Variants in HPCAL1 observed in about 807,000 individuals in gnomAD.
HPCAL1 encodes hippocalcin-like protein 1.
In HPCAL1, 8 loss-of-function variants were observed where a neutral mutation model predicts 17.1. The observed-to-expected ratio is 0.47, with a 90% CI of 0.27 to 0.84. The LOEUF is 0.84. HPCAL1 is among the 40% of genes least tolerant of loss of function. The pLI is 0.13. For missense variants in HPCAL1, 165 were observed against 271.1 expected (o/e 0.61, Z 2.75); for synonymous variants, 112 against 111.4 (o/e 1.01, Z -0.03).
intron 1 of HPCAL1, among the ~76,000 whole-genome samples, chr2:10,319,575 G>T (rs571894044): frequency 1.0e-5 from 1 of 100,054 alleles, no homozygotes; most frequent in Non-Finnish European, 1.9e-5. Flanking sequence ...CGGGCAGGTG[G>T]GGTGGGGTGG....
At chr2:10,308,064 A>T (rs941355965) in intron 1 of HPCAL1, among the ~76,000 whole-genome samples, 3 of 152,068 alleles carry the variant, frequency 2.0e-5, no homozygotes, top group Non-Finnish European at 4.4e-5. Flanking sequence ...AAATAAGACC[A>T]GGGAGCGTGA....
chr2:10,315,734 C>A (rs1293493233), intron 1 of HPCAL1, among the ~76,000 whole-genome samples: 1 of 152,160 alleles, frequency 6.6e-6, no homozygotes, highest in Non-Finnish European at 1.5e-5. Context: ...AGTCCACGTG[C>A]GGTGGCTCAT....
At chr2:10,426,451 G>C in intron 4 of HPCAL1, 1 of 426,084 alleles carries the variant, frequency 2.3e-6, no homozygotes, top group South Asian at 2.7e-5. Context: ...ATTTCTAAAA[G>C]GATTTAAATG....
chr2:10,425,968 A>G (rs536509885), intron 4 of HPCAL1: 2 of 152,378 alleles, frequency 1.3e-5, no homozygotes, highest in East Asian at 3.9e-4. Flanking sequence ...AGCCAGGGCT[A>G]TAGTGACCAC....
chr2:10,375,961 G>C (rs752760093), intron 1 of HPCAL1, among the ~76,000 whole-genome samples: 8 of 152,226 alleles, frequency 5.3e-5, no homozygotes, highest in Non-Finnish European at 1.2e-4. Flanking sequence ...TTGCAGGAGG[G>C]GTCTGGTGGG....
chr2:10,375,017 G>T (rs1199274942), intron 1 of HPCAL1, among the ~76,000 whole-genome samples: 3 of 152,188 alleles, frequency 2.0e-5, no homozygotes, highest in Non-Finnish European at 2.9e-5. Context: ...CCTTGGCAGA[G>T]AGCTGGGAGC....
At chr2:10,397,295 G>C (rs1407431736) in intron 2 of HPCAL1, among the ~76,000 whole-genome samples, 1 of 152,148 alleles carries the variant, frequency 6.6e-6, no homozygotes, top group African/African-American at 2.4e-5. Context: ...CACTGTCTTA[G>C]TGTCCGGGTT....
At position 10,419,769 on chromosome 2, in the gene HPCAL1, G is replaced by C. The variant is rs1332497805; in HGVS notation, c.12G>C (p.Gln4His). Residue 4 changes from glutamine to histidine, a missense_variant, in exon 3 of 5, where the codon CAG becomes CAC. By Grantham distance (24) the Gln-to-His change is conservative. Coordinates refer to ENST00000307845, the MANE Select transcript of HPCAL1 (RefSeq NM_002149.4). This position sits in a 1 kb window ranked among gnomAD's most constrained non-coding sequence, Gnocchi z 5.0. Reference protein sequence around the residue: MGKQNSKLRPEVLQ... With the variant: MGKHNSKLRPEVLQ... The stretch of plus-strand genomic sequence containing the variant: ...CGCCGCCAGCCGCCATGGGCAAACA[G>C]AACAGCAAGCTGCGGCCCGAGGTGC... 1 of 1,611,596 alleles carries C rather than the reference G, an allele frequency of 6.2e-7. No individual in the cohort carries two copies. The highest frequency in any genetic ancestry group is 1.1e-5 in the South Asian group (1 of 90,986).
rs2125421715 is a variant in HPCAL1, at chr2:10,331,623, G to T, written c.-111+28446G>T. Among the ~76,000 whole-genome samples the T allele has an allele frequency of 6.6e-6, 1 of 152,288 alleles. No homozygotes were observed. The highest frequency in any genetic ancestry group is 6.5e-5 in the Admixed American group (1 of 15,306). On this transcript the variant is annotated intron_variant, in intron 1 of 4. Coordinates refer to ENST00000307845, the MANE Select transcript of HPCAL1 (RefSeq NM_002149.4). This position sits in a 1 kb window ranked among gnomAD's most constrained non-coding sequence, Gnocchi z 5.0. ...TTTGGGCCCAGCTGCACTGTGCCCGGGGTCCAGGGATGGGTGTGAGGCTGT... is the reference window on the plus strand; with the variant it reads ...TTTGGGCCCAGCTGCACTGTGCCCGTGGTCCAGGGATGGGTGTGAGGCTGT...
chr2:10,346,164 A>T (rs977805312), intron 1 of HPCAL1, among the ~76,000 whole-genome samples: 2 of 151,954 alleles, frequency 1.3e-5, no homozygotes, highest in African/African-American at 4.8e-5. Context: ...GTGGCCTCCC[A>T]GTAGGACACT....
chr2:10,345,045 C>T (rs1169615885), intron 1 of HPCAL1, among the ~76,000 whole-genome samples: 1 of 151,878 alleles, frequency 6.6e-6, no homozygotes, highest in African/African-American at 2.4e-5. Flanking sequence ...CTGTTTCTCT[C>T]TCTCTCTCTT....
intron 1 of HPCAL1, among the ~76,000 whole-genome samples, chr2:10,379,098 C>T (rs186724675): frequency 1.6e-4 from 24 of 152,088 alleles, no homozygotes; most frequent in Admixed American, 9.2e-4. Flanking sequence ...GAGGCCAAGA[C>T]GGGCAGATCA....
intron 1 of HPCAL1, among the ~76,000 whole-genome samples, chr2:10,317,478 C>T (rs1015691466): frequency 2.0e-5 from 3 of 150,348 alleles, no homozygotes; most frequent in Non-Finnish European, 4.4e-5. Context: ...AGTGCAGTGG[C>T]GTGATCTCGG....
chr2:10,341,631 A>T (rs976036681), intron 1 of HPCAL1, among the ~76,000 whole-genome samples: 1 of 152,110 alleles, frequency 6.6e-6, no homozygotes, highest in Non-Finnish European at 1.5e-5. Context: ...TCAGAAACCT[A>T]AACACGAGCC....
chr2:10,415,839 C>A (rs531946364), intron 2 of HPCAL1, among the ~76,000 whole-genome samples: 24 of 152,366 alleles, frequency 1.6e-4, no homozygotes, highest in African/African-American at 5.3e-4. Context: ...GGCTTGGTGC[C>A]ACCCAGGACT....
rs371144334 is a variant in HPCAL1 at position 10,426,864 on chromosome 2, G to C, written c.*43G>C. 5 of 1,539,240 alleles carry C rather than the reference G, an allele frequency of 3.2e-6. No homozygotes were observed. In the South Asian group the frequency reaches 4.5e-5, roughly 14 times the overall value. ...AGTTGCAGAGAAACACAGGCTTGTC[G>C]TGCCGTTTAAGCTTTGCTTGCAAGA... On this transcript the variant is annotated 3_prime_UTR_variant, in exon 5 of 5. Coordinates refer to ENST00000307845, the MANE Select transcript of HPCAL1 (RefSeq NM_002149.4).
At chr2:10,329,988 C>T (rs750738872) in intron 1 of HPCAL1, among the ~76,000 whole-genome samples, 26 of 152,310 alleles carry the variant, frequency 1.7e-4, no homozygotes, top group Non-Finnish European at 2.9e-4. Flanking sequence ...TAGGATTAGT[C>T]GGGCCACACG....
chr2:10,315,884 G>C (rs1361495607), intron 1 of HPCAL1, among the ~76,000 whole-genome samples: 2 of 152,172 alleles, frequency 1.3e-5, no homozygotes, highest in African/African-American at 4.8e-5. Flanking sequence ...GCTCACGCCT[G>C]TAGTGCCAGC....
chr2:10,406,287 A>T (rs1669963929), intron 2 of HPCAL1: 1 of 152,334 alleles, frequency 6.6e-6, no homozygotes, highest in African/African-American at 2.4e-5. Flanking sequence ...TGGAACCTTT[A>T]AGCCCTGGCT....
Sources: gnomAD v4.1 joint callset for allele counts (sites outside exome capture counted in the v4.1 genomes callset) on GRCh38, gnomAD v4.1.1 for gene constraint, Gnocchi (gnomAD v3.1) non-coding constraint, MANE v1.5 for transcripts, NCBI Gene and HGNC (gene_info 2026-07-23, HGNC 2026-07-21) for gene names.